Variants in ACVR1C observed in about 807,000 individuals in gnomAD.
ACVR1C encodes activin A receptor type 1C.
ACVR1C carries 23 observed loss-of-function variants against 57.9 expected under a neutral mutation model. The observed-to-expected ratio is 0.40, with a 90% confidence interval of 0.29 to 0.56. The LOEUF (loss-of-function observed/expected upper bound fraction) is 0.56, where lower values mean the gene tolerates loss of function less well. ACVR1C is among the 20% of genes least tolerant of loss of function. The pLI is 0.50. For synonymous variants in ACVR1C, 214 were observed against 215.3 expected, an observed-to-expected ratio of 0.99 and a Z score of 0.05; for missense variants, 480 against 607.9, an observed-to-expected ratio of 0.79 and a Z score of 2.21.
intron 2 of ACVR1C, among the ~76,000 whole-genome samples, chr2:157,558,126 A>G (rs1573918802): frequency 6.6e-6 from 1 of 152,302 alleles, no homozygotes; most frequent in Non-Finnish European, 1.5e-5. Flanking sequence ...AGAGGAATCC[A>G]GGTTCTAGAG....
At chr2:157,554,276 G>GAAGAAAGA (rs1688023480) in intron 3 of ACVR1C, among the ~76,000 whole-genome samples, 2 of 57,314 alleles carry the variant, frequency 3.5e-5, no homozygotes, top group African/African-American at 2.0e-4. Flanking sequence ...AGAAAGGAAG[G>GAAGAAAGA]AAGGAAGAGA....
chr2:157,554,251 G>GAA (rs1163603146), intron 3 of ACVR1C, among the ~76,000 whole-genome samples: 2 of 122,450 alleles, frequency 1.6e-5, no homozygotes, highest in African/African-American at 3.7e-5. Flanking sequence ...AAGAAAGAAA[G>GAA]AAAGAAAGAA....
chr2:157,597,279 C>A, intron 1 of ACVR1C: 1 of 916,156 alleles, frequency 1.1e-6, no homozygotes, highest in Non-Finnish European at 1.3e-6. Flanking sequence ...CCTGATGGAA[C>A]TCCATTCCCG....
chr2:157,601,264 C>T (rs898482990), intron 1 of ACVR1C, among the ~76,000 whole-genome samples: 2 of 151,840 alleles, frequency 1.3e-5, no homozygotes, highest in African/African-American at 4.8e-5. Context: ...TTGCAGTGAG[C>T]TGAGATTGCA....
chr2:157,554,271 G>GA (rs1448628905), intron 3 of ACVR1C, among the ~76,000 whole-genome samples: 1 of 121,052 alleles, frequency 8.3e-6, no homozygotes, highest in African/African-American at 3.8e-5. Flanking sequence ...AAGAAAGAAA[G>GA]GAAGGAAGGA....
At chr2:157,595,881 T>C (rs888555595) in intron 1 of ACVR1C, among the ~76,000 whole-genome samples, 1 of 152,168 alleles carries the variant, frequency 6.6e-6, no homozygotes. Context: ...TGTCACCCCC[T>C]CAGAGAAATC....
Position 157,533,851 on chromosome 2 carries a change from C to T in ACVR1C, c.*67G>A. On this transcript the variant is annotated 3_prime_UTR_variant, in exon 9 of 9. Transcript: ENST00000243349. ...TAGAACAAAAAAAAAATGGCAAAAA[C>T]ATTCACATAAAGGGGAAAATGGAAA... 1 of 1,416,668 alleles carries T rather than the reference C, an allele frequency of 7.1e-7. No homozygotes were observed. The highest frequency in any genetic ancestry group is 9.3e-7 in the Non-Finnish European group (1 of 1,079,742). The allele number at this position is 1,416,668 out of a possible 1,614,324, so 87.8% of individuals were successfully genotyped here. A position where few individuals can be genotyped will look rare whatever the true frequency, so the allele number is the denominator to read the frequency against.
At chr2:157,623,188 G>T (rs550517299) in intron 1 of ACVR1C, among the ~76,000 whole-genome samples, 4 of 152,236 alleles carry the variant, frequency 2.6e-5, no homozygotes, top group Admixed American at 2.6e-4. Flanking sequence ...CCACTAAGAA[G>T]AACCCTTTGG....
intron 2 of ACVR1C, among the ~76,000 whole-genome samples, chr2:157,575,768 A>G (rs3934681): frequency 0.33 from 50,050 of 152,102 alleles, 8,725 homozygotes; most frequent in Non-Finnish European, 0.4. Context: ...GATGTCTTTG[A>G]TACACTTATT....
chr2:157,533,939 G>T lies in ACVR1C; in HGVS notation c.1461C>A (p.Val487=). 1 of 1,581,692 alleles carries T rather than the reference G, an allele frequency of 6.3e-7. No individual in the cohort carries two copies. Among genetic ancestry groups the T allele is most frequent in the South Asian group, 1.2e-5 (1 of 85,062 alleles). The change falls in exon 9 of 9, where the codon GTC becomes GTA. Residue 487 remains valine, a synonymous_variant. Transcript: ENST00000243349. ...RIKKTISQLC[V]KEDCKA Reference sequence around the variant, plus strand: ...ATCATTAGGCTTTGCAGTCTTCTTTGACACAAAGTTGAGATATAGTCTTCT... The same window carrying T: ...ATCATTAGGCTTTGCAGTCTTCTTTTACACAAAGTTGAGATATAGTCTTCT...
intron 5 of ACVR1C, 106 bp downstream of exon 5, chr2:157,544,339 C>G (rs1687691391): frequency 8.5e-7 from 1 of 1,176,542 alleles, no homozygotes; most frequent in South Asian, 2.0e-5. Context: ...GCCACCGTGC[C>G]CAGCCTAAAG....
intron 2 of ACVR1C, 36 bp from the exon 3 acceptor site, chr2:157,556,368 C>A: frequency 1.2e-6 from 2 of 1,601,752 alleles, no homozygotes; most frequent in South Asian, 2.2e-5. Context: ...GACCATAAAT[C>A]AAACCATTTT....
intron 2 of ACVR1C, among the ~76,000 whole-genome samples, chr2:157,575,197 C>T (rs1338680098): frequency 1.4e-5 from 2 of 146,974 alleles, no homozygotes; most frequent in South Asian, 2.1e-4. Context: ...GGTGCGATCT[C>T]GCCTTACTAC....
chr2:157,544,202 ATTT>A (rs765521635), intron 5 of ACVR1C, among the ~76,000 whole-genome samples: 15 of 116,928 alleles, frequency 1.3e-4, no homozygotes, highest in African/African-American at 4.9e-4. Context: ...CCACAACCAG[ATTT>A]TTTTTTTTTT....
At position 157,530,221 on chromosome 2, in the gene ACVR1C, AT is replaced by A. The variant is rs1195511618; in HGVS notation, c.*3696del. On this transcript the variant is annotated 3_prime_UTR_variant, in exon 9 of 9. Transcript: ENST00000243349. Reference sequence around the variant, plus strand: ...TTCATTTGGTACTGCTACTTTCTTAATTTTCCAGTGGGAAATAAAATTTGTA... The same window carrying A: ...TTCATTTGGTACTGCTACTTTCTTAATTTCCAGTGGGAAATAAAATTTGTA... 6.6e-6 allele frequency: 1 copy of A among 152,136 alleles called. No individual in the cohort carries two copies. The highest frequency in any genetic ancestry group is 2.4e-5 in the African/African-American group (1 of 41,456). 9.4% of individuals were successfully genotyped at this position (152,136 alleles called of 1,614,324 possible). A position where few individuals can be genotyped will look rare whatever the true frequency, so the allele number is the denominator to read the frequency against.
At chr2:157,626,301 T>C (rs941120686) in intron 1 of ACVR1C, among the ~76,000 whole-genome samples, 2 of 152,144 alleles carry the variant, frequency 1.3e-5, no homozygotes, top group Non-Finnish European at 1.5e-5. Flanking sequence ...TCCAGACCAA[T>C]AAACAGTTTT....
intron 1 of ACVR1C, among the ~76,000 whole-genome samples, chr2:157,588,938 C>T (rs1688998110): frequency 7.4e-6 from 1 of 135,768 alleles, no homozygotes; most frequent in Non-Finnish European, 1.6e-5. Flanking sequence ...ATTTTGTATT[C>T]ATTTTTTGTA....
intron 1 of ACVR1C, among the ~76,000 whole-genome samples, chr2:157,609,652 A>G (rs1682487740): frequency 6.6e-6 from 1 of 151,978 alleles, no homozygotes; most frequent in Non-Finnish European, 1.5e-5. Context: ...GGGTACATAC[A>G]TACTTAGAAT....
At chr2:157,556,422 C>A (rs554736433) in intron 2 of ACVR1C, 90 bp from the exon 3 acceptor site, 95 of 1,519,766 alleles carry the variant, frequency 6.3e-5, no homozygotes, top group Admixed American at 8.8e-5. Flanking sequence ...AATTTCACAT[C>A]CAGAATATTC....
Sources: gnomAD v4.1 joint callset for allele counts (sites outside exome capture counted in the v4.1 genomes callset) on GRCh38, gnomAD v4.1.1 for gene constraint, MANE v1.5 for transcripts, NCBI Gene and HGNC (gene_info 2026-07-23, HGNC 2026-07-21) for gene names.